NXPH1: variants seen among roughly 807,000 people sequenced by gnomAD.
NXPH1 encodes the protein neurexophilin-1.
Under a neutral mutation model 23.7 loss-of-function variants are expected in NXPH1, and 5 were observed. That is an observed-to-expected ratio of 0.21 (90% confidence interval 0.11 to 0.44). NXPH1 has a LOEUF of 0.44. NXPH1 is among the 20% of genes least tolerant of loss of function. The pLI, the probability that NXPH1 is intolerant of heterozygous loss-of-function variation, is 0.99. For missense variants in NXPH1, 324 were observed against 321.6 expected (o/e 1.01, Z -0.06); for synonymous variants, 144 against 122.2 (o/e 1.18, Z -1.18).
At chr7:8,601,963 T>C (rs1468788031) in intron 2 of NXPH1, among the ~76,000 whole-genome samples, 4 of 152,240 alleles carry the variant, frequency 2.6e-5, no homozygotes, top group African/African-American at 9.6e-5. Context: ...GAAAGTTAAA[T>C]ACTTTTATGA....
intron 2 of NXPH1, among the ~76,000 whole-genome samples, chr7:8,437,501 C>A (rs950893888): frequency 6.6e-6 from 1 of 152,174 alleles, no homozygotes; most frequent in African/African-American, 2.4e-5. Context: ...ACTGTTCTTA[C>A]GTCCTTGGGC....
intron 2 of NXPH1, among the ~76,000 whole-genome samples, chr7:8,488,337 A>G (rs909223173): frequency 6.6e-6 from 1 of 152,150 alleles, no homozygotes; most frequent in Non-Finnish European, 1.5e-5. Context: ...TATAAATCAT[A>G]CATCCATTAG....
At chr7:8,472,313 C>A (rs1438041314) in intron 2 of NXPH1, among the ~76,000 whole-genome samples, 1 of 152,168 alleles carries the variant, frequency 6.6e-6, no homozygotes, top group African/African-American at 2.4e-5. Context: ...TAAGGCCCTT[C>A]TAAAATTCTG....
intron 2 of NXPH1, among the ~76,000 whole-genome samples, chr7:8,495,963 T>A (rs1442344766): frequency 6.6e-6 from 1 of 152,054 alleles, no homozygotes; most frequent in Non-Finnish European, 1.5e-5. Flanking sequence ...TGGGTCTTTC[T>A]AATAGGGCCT....
chr7:8,674,798 G>T (rs1339156112), intron 2 of NXPH1, among the ~76,000 whole-genome samples: 1 of 151,832 alleles, frequency 6.6e-6, no homozygotes, highest in Admixed American at 6.6e-5. Context: ...CTCTCTGGAG[G>T]CCTATCACAG....
At chr7:8,655,396 GTCTTTCTC>G (rs1322654899) in intron 2 of NXPH1, among the ~76,000 whole-genome samples, 17 of 139,348 alleles carry the variant, frequency 1.2e-4, no homozygotes, top group African/African-American at 4.2e-4. Context: ...CTTTGTCTTT[GTCTTTCTC>G]TCTCTCTCTC....
At position 8,707,063 on chromosome 7, in the gene NXPH1, A is replaced by G. The variant is rs1041886951; in HGVS notation, c.55-43945A>G. On this transcript the variant is annotated intron_variant, in intron 2 of 2. Transcript: ENST00000405863. ...AATTTATAGAAATTAAAAAACAAAA[A>G]TATTTTAATATGTTTTAATGATTAT... Among the ~76,000 whole-genome samples, 7 of 152,304 alleles carry G rather than the reference A, an allele frequency of 4.6e-5. No individual in the cohort carries two copies. In the South Asian group the frequency reaches 1.0e-3, roughly 23 times the overall value.
intron 2 of NXPH1, among the ~76,000 whole-genome samples, chr7:8,475,164 C>A (rs1436885496): frequency 6.6e-6 from 1 of 152,034 alleles, no homozygotes; most frequent in Non-Finnish European, 1.5e-5. Flanking sequence ...CTTTAGAGAC[C>A]CCTAAACTTC....
rs376473192 is a variant in NXPH1, at chr7:8,517,074, GT to G, written c.54+81309del. 5.7e-3 allele frequency among the ~76,000 whole-genome samples: 869 copies of G among 152,276 alleles called. 5 individuals carry two copies. Among genetic ancestry groups the G allele is most frequent in the African/African-American group, 0.02 (838 of 41,552 alleles). ...CACAAATGTACTGAGCACCTACTATGTTCCAGGCATAATAAAGCACCAAGAA... is the reference window on the plus strand; with the variant it reads ...CACAAATGTACTGAGCACCTACTATGTCCAGGCATAATAAAGCACCAAGAA... On this transcript the variant is annotated intron_variant, in intron 2 of 2. Transcript: ENST00000405863.
intron 2 of NXPH1, among the ~76,000 whole-genome samples, chr7:8,457,390 G>A (rs887902968): frequency 1.3e-5 from 2 of 152,152 alleles, no homozygotes; most frequent in Admixed American, 6.5e-5. Flanking sequence ...GATGGAGAAG[G>A]CATTGTCAAG....
intron 2 of NXPH1, among the ~76,000 whole-genome samples, chr7:8,469,362 A>G (rs1164144801): frequency 1.3e-5 from 2 of 152,048 alleles, no homozygotes; most frequent in Admixed American, 6.6e-5. Flanking sequence ...TTGCTAACAC[A>G]TTTTTATTGA....
At chr7:8,676,211 G>A (rs756970964) in intron 2 of NXPH1, among the ~76,000 whole-genome samples, 2 of 152,108 alleles carry the variant, frequency 1.3e-5, no homozygotes, top group Admixed American at 6.6e-5. Flanking sequence ...AACTCCCTAC[G>A]TCTAAGATGT....
Position 8,751,562 on chromosome 7 carries a change from G to C in NXPH1, c.609G>C (p.Lys203Asn). 1 of 1,613,428 alleles carries C rather than the reference G, an allele frequency of 6.2e-7. No homozygotes were observed. The highest frequency in any genetic ancestry group is 8.5e-7 in the Non-Finnish European group (1 of 1,179,716). ...NCRIEYEKVD[K>N]ATKNTLCNYD... ...GCATTGAATATGAAAAGGTTGACAA[G>C]GCTACCAAGAACACACTCTGCAACT... is the stretch of plus-strand genomic sequence containing the variant. Residue 203 changes from lysine (K) to asparagine (N), a missense_variant, in exon 3 of 3, where the codon AAG (lysine) becomes AAC (asparagine). Coordinates refer to ENST00000405863, the MANE Select transcript of NXPH1 (RefSeq NM_152745.3). This position sits in a 1 kb window ranked among gnomAD's most constrained non-coding sequence, Gnocchi z 4.5.
intron 2 of NXPH1, among the ~76,000 whole-genome samples, chr7:8,630,186 G>C (rs1317942409): frequency 6.6e-6 from 1 of 151,912 alleles, no homozygotes; most frequent in African/African-American, 2.4e-5. Flanking sequence ...TCTAGTTCTG[G>C]GTCCTGTGCT....
chr7:8,561,132 A>G (rs1324813927), intron 2 of NXPH1, among the ~76,000 whole-genome samples: 1 of 151,644 alleles, frequency 6.6e-6, no homozygotes, highest in African/African-American at 2.4e-5. Context: ...ACAGATGCAC[A>G]TACAGGGACT....
At chr7:8,655,892 C>T (rs927150328) in intron 2 of NXPH1, among the ~76,000 whole-genome samples, 3 of 152,096 alleles carry the variant, frequency 2.0e-5, no homozygotes, top group Non-Finnish European at 4.4e-5. Context: ...CAGAATTAAC[C>T]CTTACTCCAC....
intron 2 of NXPH1, among the ~76,000 whole-genome samples, chr7:8,565,008 T>C (rs1435020271): frequency 6.6e-6 from 1 of 151,784 alleles, no homozygotes; most frequent in Non-Finnish European, 1.5e-5. Flanking sequence ...CCTTAAATTT[T>C]GGATTAGAGG....
chr7:8,446,158 G>T (rs1816399371), intron 2 of NXPH1, among the ~76,000 whole-genome samples: 1 of 152,200 alleles, frequency 6.6e-6, no homozygotes, highest in Admixed American at 6.5e-5. Flanking sequence ...GCAATCAATA[G>T]TTGTAAATGG....
chr7:8,691,282 G>T (rs776978815), intron 2 of NXPH1, among the ~76,000 whole-genome samples: 8 of 152,060 alleles, frequency 5.3e-5, no homozygotes, highest in Non-Finnish European at 1.0e-4. Context: ...CTGAGTAGCT[G>T]GGATTACAGG....
Sources: allele counts gnomAD v4.1 joint callset (sites outside exome capture counted in the v4.1 genomes callset), GRCh38; gene constraint gnomAD v4.1.1; non-coding constraint Gnocchi (gnomAD v3.1); transcripts MANE v1.5; gene names NCBI Gene and HGNC (gene_info 2026-07-23, HGNC 2026-07-21).